The following SKIDA1 variants were observed in gnomAD, a reference collection of about 807,000 sequenced individuals.
SKIDA1 encodes the protein SKI/DACH domain-containing protein 1.
A neutral mutation model predicts 51.4 loss-of-function variants in SKIDA1; 18 were observed. That is an observed-to-expected ratio of 0.35 (90% CI 0.24 to 0.52). The LOEUF is 0.52. SKIDA1 is among the 20% of genes least tolerant of loss of function. SKIDA1 has a pLI of 0.95. For missense variants in SKIDA1, 1,104 were observed against 1,180.6 expected (o/e 0.94, Z 0.95); for synonymous variants, 579 against 500.5 (o/e 1.16, Z -2.09).
In SKIDA1 at chr10:21,516,191, C is replaced by T. The variant is rs773781779; in HGVS notation, c.1632G>A (p.Glu544=). The change falls in exon 4 of 4, where the codon GAG becomes GAA. Residue 544 remains glutamate (E), a synonymous_variant. Coordinates refer to ENST00000449193, the MANE Select transcript of SKIDA1 (RefSeq NM_207371.4). The surrounding 1 kb of genome is among the most constrained non-coding windows in gnomAD (Gnocchi z 5.7). ...CPASLGSCFA[E]IRNDRVSEIT... ...TCTCAGATACCCTATCGTTCCTTAT[C>T]TCAGCGAAACAACTCCCCAGGCTGG... is the stretch of plus-strand genomic sequence containing the variant. 2 of 1,614,038 alleles carry T rather than the reference C, an allele frequency of 1.2e-6. No individual in the cohort carries two copies. Among genetic ancestry groups the T allele is most frequent in the Admixed American group, 1.7e-5 (1 of 60,026 alleles).
At position 21,515,346 on chromosome 10, in the gene SKIDA1, A is replaced by G. The variant is rs1178985782; in HGVS notation, c.2477T>C (p.Ile826Thr). 5.0e-6 allele frequency: 8 copies of G among 1,614,034 alleles called. No individual in the cohort carries two copies. The highest frequency in any genetic ancestry group is 6.8e-6 in the Non-Finnish European group (8 of 1,179,892). The change falls in exon 4 of 4, where the codon ATA becomes ACA. Residue 826 changes from isoleucine to threonine, a missense_variant. Ile to Thr is a moderately conservative substitution (Grantham distance 89). This residue lies in a region of SKIDA1 where 112 missense variants were observed against 168.3 expected (regional missense o/e 0.67). Coordinates refer to ENST00000449193, the MANE Select transcript of SKIDA1 (RefSeq NM_207371.4). ...GCTGGCTACCTTTTTGCGTCTGTTTATAACTGTAAAATCATCCAGTGTTCC... is the reference window on the plus strand; with the variant it reads ...GCTGGCTACCTTTTTGCGTCTGTTTGTAACTGTAAAATCATCCAGTGTTCC... The part of the protein sequence containing the change: ...NEGTLDDFTV[I>T]NRRKKVASNV...
Position 21,519,632 on chromosome 10 carries a change from T to TA in SKIDA1, c.-1811dup, listed in dbSNP as rs2032338465. On this transcript the variant is annotated 5_prime_UTR_variant, in exon 4 of 4. The change abolishes the stop of an existing upstream ORF in the 5' untranslated region. Transcript: ENST00000449193. ...CCAAAAATAGACACATCCGCGTGATTAAAAGAATAAACGGATATTTCTGAG... is the reference window on the plus strand; with the variant it reads ...CCAAAAATAGACACATCCGCGTGATTAAAAAGAATAAACGGATATTTCTGAG... 1 of 167,040 alleles carries TA rather than the reference T, an allele frequency of 6.0e-6. No homozygotes were observed. The highest frequency in any genetic ancestry group is 1.5e-5 in the Non-Finnish European group (1 of 68,100). The allele number at this position is 167,040 out of a possible 1,614,324, so 10.3% of individuals were successfully genotyped here.
rs374060542 is a variant in SKIDA1 at position 21,517,775 on chromosome 10, G to A, written c.48C>T (p.Leu16=). 2.5e-6 allele frequency: 4 copies of A among 1,613,214 alleles called. No individual in the cohort carries two copies. The highest frequency in any genetic ancestry group is 2.2e-5 in the East Asian group (1 of 44,836). ...GCTTCCCTTTAATGATGAGGTAGCC[G>A]AGCCTCACGCCATCCACCTCTTCAA... The part of the protein sequence containing the change: ...SGFEEVDGVR[L]GYLIIKGKQM... The change falls in exon 4 of 4, where the codon CTC becomes CTT. Residue 16 remains leucine (L), a synonymous_variant. Transcript: ENST00000449193. The surrounding 1 kb of genome is among the most constrained non-coding windows in gnomAD (Gnocchi z 6.9).
chr10:21,517,136 G>GCA lies in SKIDA1; in HGVS notation c.686_687insTG (p.Ala231ProfsTer38). ...CGGCGGCGGCAGCAGCGGCGGCGGC[G>GCA]GCGGCGGCGGCGGCTGCCGGGTGTT... On this transcript the variant is annotated frameshift_variant, in exon 4 of 4. Coordinates refer to ENST00000449193, the MANE Select transcript of SKIDA1 (RefSeq NM_207371.4). LOFTEE classifies it high-confidence loss of function. This position sits in a 1 kb window ranked among gnomAD's most constrained non-coding sequence, Gnocchi z 6.9. 8.1e-7 allele frequency: 1 copy of GCA among 1,235,794 alleles called. No homozygotes were observed. Among genetic ancestry groups the GCA allele is most frequent in the Non-Finnish European group, 1.0e-6 (1 of 981,876 alleles). The allele number at this position is 1,235,794 out of a possible 1,614,324, so 76.6% of individuals were successfully genotyped here.
In SKIDA1 at chr10:21,517,445, GCTGGCGGCAGCGGCGCGCT is replaced by G. The variant is rs751932472; in HGVS notation, c.359_377del (p.Glu120AlafsTer17). 1.3e-6 allele frequency: 2 copies of G among 1,504,660 alleles called. No individual in the cohort carries two copies. Among genetic ancestry groups the G allele is most frequent in the Non-Finnish European group, 1.8e-6 (2 of 1,131,974 alleles). The allele number at this position is 1,504,660 out of a possible 1,614,324, so 93.2% of individuals were successfully genotyped here. A position where few individuals can be genotyped will look rare whatever the true frequency, so the allele number is the denominator to read the frequency against. On this transcript the variant is annotated frameshift_variant, in exon 4 of 4. Transcript: ENST00000449193. LOFTEE classifies it high-confidence loss of function. The surrounding 1 kb of genome is among the most constrained non-coding windows in gnomAD (Gnocchi z 6.9). ...TGTCCTTCCAAAATCCCGGGCGGGG[GCTGGCGGCAGCGGCGCGCT>G]CTGGCGGCGGCGCCTTTGTGGCCAG...
intron 2 of SKIDA1, among the ~76,000 whole-genome samples, chr10:21,522,256 G>T (rs2131275968): frequency 1.1e-5 from 1 of 89,264 alleles, no homozygotes; most frequent in Non-Finnish European, 2.0e-5. Flanking sequence ...TTTAAATGAG[G>T]ATCACAGCCA....
At position 21,517,913 on chromosome 10, in the gene SKIDA1, T is replaced by G; in HGVS notation, c.-91A>C. On this transcript the variant is annotated 5_prime_UTR_variant, in exon 4 of 4. Coordinates refer to ENST00000449193, the MANE Select transcript of SKIDA1 (RefSeq NM_207371.4). This position sits in a 1 kb window ranked among gnomAD's most constrained non-coding sequence, Gnocchi z 6.9. ...TGTATGTTAATCCTCAGCCAGATGC[T>G]GCGTGTGTCTCAAGGCATCCTGCTA... The G allele has an allele frequency of 8.4e-7, 1 of 1,183,914 alleles. No homozygotes were observed. The highest frequency in any genetic ancestry group is 1.1e-6 in the Non-Finnish European group (1 of 870,178). The allele number at this position is 1,183,914 out of a possible 1,614,324, so 73.3% of individuals were successfully genotyped here.
At position 21,517,525 on chromosome 10, in the gene SKIDA1, C is replaced by A; in HGVS notation, c.298G>T (p.Val100Phe). The change falls in exon 4 of 4, where the codon GTC becomes TTC. Residue 100 changes from valine (V) to phenylalanine (F), a missense_variant. Val to Phe is a conservative substitution (Grantham distance 50, BLOSUM62 -1). Around this residue, in one of 3 missense-constraint regions of SKIDA1, gnomAD observed 938 missense variants for 886.4 expected, o/e 1.06. Coordinates refer to ENST00000449193, the MANE Select transcript of SKIDA1 (RefSeq NM_207371.4). The surrounding 1 kb of genome is among the most constrained non-coding windows in gnomAD (Gnocchi z 6.9). Reference sequence around the variant, plus strand: ...ACCCGCCTGCGCTTGGTCTTGAGGACGCGCTCGGTTTTGCAGGAGGTGTAG... The same window carrying A: ...ACCCGCCTGCGCTTGGTCTTGAGGAAGCGCTCGGTTTTGCAGGAGGTGTAG... ...ALYTSCKTER[V>F]LKTKRRRVGR... 6.3e-7 allele frequency: 1 copy of A among 1,579,160 alleles called. No homozygotes were observed. The highest frequency in any genetic ancestry group is 8.6e-7 in the Non-Finnish European group (1 of 1,162,238).
chr10:21,516,248 C>T lies in SKIDA1; in HGVS notation c.1575G>A (p.Trp525Ter). ...AGTACACCGGAGATGCTTTGGGGGC[C>T]CAGCTCTGCAGATTCCACTCCGCCG... ...ESPAEWNLQS[W>*]APKASPVYCP... The change falls in exon 4 of 4, where the codon TGG becomes TGA. Residue 525 changes from tryptophan (W) to a stop codon, truncating the protein, a stop_gained. Transcript: ENST00000449193. LOFTEE classifies it high-confidence loss of function. This position sits in a 1 kb window ranked among gnomAD's most constrained non-coding sequence, Gnocchi z 5.7. The T allele has an allele frequency of 6.2e-7, 1 of 1,614,036 alleles. No homozygotes were observed. Among genetic ancestry groups the T allele is most frequent in the Non-Finnish European group, 8.5e-7 (1 of 1,179,906 alleles).
Position 21,517,415 on chromosome 10 carries a change from G to C in SKIDA1, c.408C>G (p.His136Gln), listed in dbSNP as rs966182881. ...SPRPGFWKDKHQLWRGLSGAA... is the reference protein window; with the variant it reads ...SPRPGFWKDKQQLWRGLSGAA... The stretch of plus-strand genomic sequence containing the variant: ...CTCCGCTCAGGCCCCGCCAAAGTTG[G>C]TGCTTGTCCTTCCAAAATCCCGGGC... Residue 136 changes from histidine to glutamine, a missense_variant, in exon 4 of 4, where the codon CAC becomes CAG. His to Gln is a conservative substitution (Grantham distance 24). Around this residue, in one of 3 missense-constraint regions of SKIDA1, gnomAD observed 938 missense variants for 886.4 expected, o/e 1.06. Transcript: ENST00000449193. The surrounding 1 kb of genome is among the most constrained non-coding windows in gnomAD (Gnocchi z 6.9). 4 of 1,482,940 alleles carry C rather than the reference G, an allele frequency of 2.7e-6. No homozygotes were observed. In the African/African-American group the frequency reaches 5.7e-5, roughly 21 times the overall value. The allele number at this position is 1,482,940 out of a possible 1,614,324, so 91.9% of individuals were successfully genotyped here. A position where few individuals can be genotyped will look rare whatever the true frequency, so the allele number is the denominator to read the frequency against.
chr10:21,523,106 T>TGC (rs1202228873), intron 2 of SKIDA1, among the ~76,000 whole-genome samples: 1 of 149,772 alleles, frequency 6.7e-6, no homozygotes, highest in Non-Finnish European at 1.5e-5. Flanking sequence ...TAGAGTGAGG[T>TGC]ACAAATCACT....
intron 1 of SKIDA1, among the ~76,000 whole-genome samples, chr10:21,525,167 G>A (rs1747708505): frequency 6.6e-6 from 1 of 152,306 alleles, no homozygotes. Context: ...AAAATGTGTA[G>A]GTAGTGGCTA....
rs1413152781 is a variant in SKIDA1 at position 21,518,543 on chromosome 10, A to G, written c.-721T>C. The G allele has an allele frequency of 6.1e-6, 1 of 164,712 alleles. No individual in the cohort carries two copies. The highest frequency in any genetic ancestry group is 2.4e-5 in the African/African-American group (1 of 41,366). The allele number at this position is 164,712 out of a possible 1,614,324, so 10.2% of individuals were successfully genotyped here. ...CAGTGTGTGTACGCTTAAGGGAGAA[A>G]AAAAAAAAAACCGCACCGTATATTC... On this transcript the variant is annotated 5_prime_UTR_variant, in exon 4 of 4. Coordinates refer to ENST00000449193, the MANE Select transcript of SKIDA1 (RefSeq NM_207371.4).
chr10:21,516,551 T>TCC lies in SKIDA1; in HGVS notation c.1271_1272insGG (p.Glu426ArgfsTer121). The TCC allele has an allele frequency of 1.4e-6, 1 of 704,192 alleles. No homozygotes were observed. Among genetic ancestry groups the TCC allele is most frequent in the Non-Finnish European group, 2.0e-6 (1 of 506,710 alleles). 43.6% of individuals were successfully genotyped at this position (704,192 alleles called of 1,614,324 possible). ...CCCCGCTGCCCCCCTCCTCCTCCTC[T>TCC]TCCTCCTCCTCCTCCTCTCCCTCCT... On this transcript the variant is annotated frameshift_variant, in exon 4 of 4. Coordinates refer to ENST00000449193, the MANE Select transcript of SKIDA1 (RefSeq NM_207371.4). LOFTEE classifies it high-confidence loss of function. This position sits in a 1 kb window ranked among gnomAD's most constrained non-coding sequence, Gnocchi z 5.7.
Position 21,517,079 on chromosome 10 carries a change from T to C in SKIDA1, c.744A>G (p.Val248=), listed in dbSNP as rs2032253472. The C allele has an allele frequency of 1.2e-5, 12 of 983,878 alleles. No homozygotes were observed. The South Asian group carries it at 4.7e-4, about 38-fold the overall frequency. 60.9% of individuals were successfully genotyped at this position (983,878 alleles called of 1,614,324 possible). Residue 248 remains valine (V), a synonymous_variant, in exon 4 of 4, where the codon GTA becomes GTG. Transcript: ENST00000449193. This position sits in a 1 kb window ranked among gnomAD's most constrained non-coding sequence, Gnocchi z 6.9. ...CCTTGGGCTGGGGCCCGGCCGCCGA[T>C]ACCTGGTAATAGGCGGCGGCGGCGG... ...AAAAAAAYYQ[V]SAAGPQPKAA...
At position 21,515,030 on chromosome 10, in the gene SKIDA1, C is replaced by G; in HGVS notation, c.*66G>C. On this transcript the variant is annotated 3_prime_UTR_variant, in exon 4 of 4. Coordinates refer to ENST00000449193, the MANE Select transcript of SKIDA1 (RefSeq NM_207371.4). ...TAACACATTAATGGACTTGTACAAA[C>G]CATCCTGTGCAGTTTACAACAAAAG... is the stretch of plus-strand genomic sequence containing the variant. 6.8e-7 allele frequency: 1 copy of G among 1,471,918 alleles called. No homozygotes were observed. Among genetic ancestry groups the G allele is most frequent in the Non-Finnish European group, 9.0e-7 (1 of 1,113,554 alleles). The allele number at this position is 1,471,918 out of a possible 1,614,324, so 91.2% of individuals were successfully genotyped here. A position where few individuals can be genotyped will look rare whatever the true frequency, so the allele number is the denominator to read the frequency against.
At chr10:21,520,353 A>T (rs2032356715) in intron 3 of SKIDA1, among the ~76,000 whole-genome samples, 1 of 152,210 alleles carries the variant, frequency 6.6e-6, no homozygotes, top group African/African-American at 2.4e-5. Flanking sequence ...GGAAAAGCAG[A>T]TGCTGGTGTT....
intron 2 of SKIDA1, 97 bp downstream of exon 2, chr10:21,523,586 A>G (rs572821287): frequency 2.6e-4 from 39 of 152,354 alleles, no homozygotes; most frequent in Admixed American, 1.9e-3. Context: ...AAATATCCAG[A>G]ACCACAATTT....
intron 2 of SKIDA1, among the ~76,000 whole-genome samples, chr10:21,521,689 A>C (rs4083949): frequency 0.057 from 8,710 of 152,264 alleles, 325 homozygotes; most frequent in African/African-American, 0.098. Flanking sequence ...AGTTTAATTA[A>C]ATGTGATTAT....
Sources: allele counts gnomAD v4.1 joint callset (sites outside exome capture counted in the v4.1 genomes callset), GRCh38; gene constraint gnomAD v4.1.1; regional missense constraint gnomAD v4.1.1; non-coding constraint Gnocchi (gnomAD v3.1); transcripts MANE v1.5; gene names NCBI Gene and HGNC (gene_info 2026-07-23, HGNC 2026-07-21).